The following KIF27 variants were observed in gnomAD, a reference collection of about 807,000 sequenced individuals.
The protein encoded by KIF27 is kinesin-like protein KIF27.
Under a neutral mutation model 141.8 loss-of-function variants are expected in KIF27, and 84 were observed. The ratio of observed to expected loss-of-function variants is 0.59; its 90% CI spans 0.50 to 0.71. The LOEUF (loss-of-function observed/expected upper bound fraction) is 0.71. KIF27 is among the 30% of genes least tolerant of loss of function. The pLI is 0.00. For synonymous variants in KIF27, 471 were observed against 569.5 expected, an observed-to-expected ratio of 0.83 and a Z score of 2.46; for missense variants, 1,306 against 1,628.4, an observed-to-expected ratio of 0.80 and a Z score of 3.41.
At chr9:83,872,230 C>T (rs574608325) in intron 11 of KIF27, among the ~76,000 whole-genome samples, 45 of 152,216 alleles carry the variant, frequency 3.0e-4, no homozygotes, top group African/African-American at 9.9e-4. Flanking sequence ...GCACGAGAAT[C>T]GCTTGAACTT....
intron 15 of KIF27, among the ~76,000 whole-genome samples, chr9:83,850,539 G>A (rs1411732609): frequency 6.6e-6 from 1 of 151,890 alleles, no homozygotes; most frequent in East Asian, 2.0e-4. Context: ...CAGCAGTTTG[G>A]GAGGCTGAGG....
intron 10 of KIF27, among the ~76,000 whole-genome samples, chr9:83,882,760 G>A (rs1951788798): frequency 1.3e-5 from 2 of 152,270 alleles, no homozygotes; most frequent in Non-Finnish European, 1.5e-5. Context: ...AGCATGGAAA[G>A]GTGAATTCCA....
chr9:83,845,881 G>A (rs920094270), intron 16 of KIF27, among the ~76,000 whole-genome samples: 2 of 152,210 alleles, frequency 1.3e-5, no homozygotes, highest in African/African-American at 4.8e-5. Context: ...CAAAAACTGT[G>A]AAGATATTTG....
At position 83,845,545 on chromosome 9, in the gene KIF27, G is replaced by T. The variant is rs1294209613; in HGVS notation, c.3557-3144C>A. Among the ~76,000 whole-genome samples, 43 of 152,202 alleles carry T rather than the reference G, an allele frequency of 2.8e-4. 1 individual carries two copies. Among genetic ancestry groups the T allele is most frequent in the Admixed American group, 2.0e-3 (30 of 15,280 alleles). ...ATGATCAGCTGACAGGGGAAGAGAA[G>T]ACTAGGGCCTGGTTCACAGATGGTT... is the stretch of plus-strand genomic sequence containing the variant. On this transcript the variant is annotated intron_variant, in intron 16 of 17. Transcript: ENST00000297814.
At chr9:83,920,747 C>G (rs541072071) in intron 1 of KIF27, among the ~76,000 whole-genome samples, 72 of 152,284 alleles carry the variant, frequency 4.7e-4, no homozygotes, top group African/African-American at 1.7e-3. Flanking sequence ...AAGAAAGAAT[C>G]TGGGCGCTTT....
chr9:83,841,660 T>G (rs930566848), intron 17 of KIF27, among the ~76,000 whole-genome samples: 5 of 152,218 alleles, frequency 3.3e-5, no homozygotes, highest in African/African-American at 1.2e-4. Flanking sequence ...GAGGGTATAT[T>G]TTAATCATAG....
intron 11 of KIF27, among the ~76,000 whole-genome samples, chr9:83,876,298 TAAA>T (rs1951199564): frequency 6.6e-6 from 1 of 152,160 alleles, no homozygotes; most frequent in Non-Finnish European, 1.5e-5. Flanking sequence ...CAAGGAAATT[TAAA>T]AAGCAATTCC....
intron 12 of KIF27, among the ~76,000 whole-genome samples, chr9:83,868,915 T>C (rs1950564802): frequency 6.6e-6 from 1 of 152,100 alleles, no homozygotes; most frequent in Non-Finnish European, 1.5e-5. Context: ...AGCTCTACAA[T>C]TATTAGGAAG....
chr9:83,849,935 A>G (rs978029150), intron 16 of KIF27, among the ~76,000 whole-genome samples, 164 bp downstream of exon 16: 4 of 152,194 alleles, frequency 2.6e-5, no homozygotes, highest in African/African-American at 9.7e-5. Context: ...AACAAAGTCA[A>G]CTGTCCCAAA....
chr9:83,849,582 A>C (rs1394272951), intron 16 of KIF27: 1 of 155,456 alleles, frequency 6.4e-6, no homozygotes, highest in Non-Finnish European at 1.4e-5. Context: ...ACTACTGCTC[A>C]CGGATAATGG....
intron 5 of KIF27, among the ~76,000 whole-genome samples, chr9:83,899,140 G>A (rs1260354664): frequency 3.3e-5 from 5 of 152,144 alleles, no homozygotes; most frequent in Non-Finnish European, 7.3e-5. Context: ...TATTTGGGGT[G>A]ATGGGAGAAG....
chr9:83,843,634 CT>C lies in KIF27; in HGVS notation c.3557-1234del, dbSNP rs111578401. On this transcript the variant is annotated intron_variant, in intron 16 of 17. Coordinates refer to ENST00000297814, the MANE Select transcript of KIF27 (RefSeq NM_017576.4). The stretch of plus-strand genomic sequence containing the variant: ...CCATAAAGTATGTCATATTAATCAA[CT>C]TAATTTTATGTCCGATATTCAGTTG... 6.6e-5 allele frequency among the ~76,000 whole-genome samples: 10 copies of C among 152,238 alleles called. 1 individual carries two copies. The highest frequency in any genetic ancestry group is 2.4e-4 in the African/African-American group (10 of 41,536).
At chr9:83,855,450 A>G (rs947330647) in intron 14 of KIF27, among the ~76,000 whole-genome samples, 4 of 152,234 alleles carry the variant, frequency 2.6e-5, no homozygotes, top group African/African-American at 9.6e-5. Flanking sequence ...TCCATAAGGA[A>G]TAAAATAATA....
chr9:83,913,603 A>C (rs1955404267), intron 2 of KIF27, among the ~76,000 whole-genome samples: 1 of 152,104 alleles, frequency 6.6e-6, no homozygotes. Flanking sequence ...CGCCCAGCTA[A>C]TTTTTGTATT....
At chr9:83,893,490 A>C (rs1952876051) in intron 5 of KIF27, among the ~76,000 whole-genome samples, 2 of 152,086 alleles carry the variant, frequency 1.3e-5, no homozygotes, top group Non-Finnish European at 1.5e-5. Flanking sequence ...AAATTGATTA[A>C]AGAAAAATAA....
At chr9:83,902,936 T>G (rs1045454179) in intron 4 of KIF27, 124 bp downstream of exon 4, 1 of 555,104 alleles carries the variant, frequency 1.8e-6, no homozygotes, top group African/African-American at 1.9e-5. Flanking sequence ...CCAAATAAAT[T>G]TAGTCCTTAA....
chr9:83,874,353 G>A (rs1031434421), intron 11 of KIF27, among the ~76,000 whole-genome samples: 7 of 152,106 alleles, frequency 4.6e-5, no homozygotes, highest in African/African-American at 1.7e-4. Context: ...GCCTATCCAT[G>A]GACCTCAGTT....
intron 10 of KIF27, among the ~76,000 whole-genome samples, chr9:83,883,540 T>C (rs1161945201): frequency 7.2e-5 from 11 of 152,230 alleles, no homozygotes; most frequent in Non-Finnish European, 1.5e-4. Context: ...TAATCCTTTG[T>C]CCTTCAGAAA....
intron 16 of KIF27, chr9:83,849,347 T>G (rs1948263308): frequency 6.6e-6 from 1 of 152,178 alleles, no homozygotes; most frequent in African/African-American, 2.4e-5. Flanking sequence ...AATTCACAGA[T>G]TTTTCCAATT....
Sources: gnomAD v4.1 joint callset for allele counts (sites outside exome capture counted in the v4.1 genomes callset) on GRCh38, gnomAD v4.1.1 for gene constraint, MANE v1.5 for transcripts, NCBI Gene and HGNC (gene_info 2026-07-23, HGNC 2026-07-21) for gene names.